FREM1: variants seen among roughly 807,000 people sequenced by gnomAD.
The protein encoded by FREM1 is FRAS1-related extracellular matrix protein 1.
Under a neutral mutation model 210.1 loss-of-function variants are expected in FREM1, and 220 were observed. The observed-to-expected ratio is 1.05, with a 90% CI of 0.94 to 1.17. FREM1 has a LOEUF of 1.17. FREM1 is among the 50% of genes most tolerant of loss of function. The pLI, the probability that FREM1 is intolerant of heterozygous loss-of-function variation, is 0.00. For missense variants in FREM1, 3,454 were observed against 2,675.5 expected (o/e 1.29, Z -6.42); for synonymous variants, 1,189 against 980.2 (o/e 1.21, Z -3.98).
intron 20 of FREM1, 93 bp downstream of exon 20, chr9:14,801,559 A>G: frequency 1.2e-6 from 1 of 835,544 alleles, no homozygotes; most frequent in Non-Finnish European, 1.9e-6. Flanking sequence ...CTCTCTGCTT[A>G]TATTAGTTTG....
intron 27 of FREM1, among the ~76,000 whole-genome samples, chr9:14,766,509 G>T (rs537924573): frequency 7.2e-5 from 11 of 152,086 alleles, no homozygotes; most frequent in Admixed American, 1.3e-4. Flanking sequence ...AAACAAGCAC[G>T]CAAGCTAGCT....
At chr9:14,818,472 T>C (rs1329442549) in intron 14 of FREM1, among the ~76,000 whole-genome samples, 1 of 152,224 alleles carries the variant, frequency 6.6e-6, no homozygotes, top group Non-Finnish European at 1.5e-5. Context: ...TCTCCTATCA[T>C]ACTTTATCTA....
chr9:14,897,684 G>A (rs1588652932), intron 1 of FREM1, among the ~76,000 whole-genome samples: 2 of 151,794 alleles, frequency 1.3e-5, no homozygotes, highest in East Asian at 1.9e-4. Context: ...TCAAACTCCT[G>A]GGCACAAGCA....
chr9:14,739,753 G>C (rs1038911353), intron 36 of FREM1, among the ~76,000 whole-genome samples: 3 of 151,504 alleles, frequency 2.0e-5, no homozygotes, highest in Non-Finnish European at 1.5e-5. Context: ...ATAAACGTAA[G>C]GCAATTTTTC....
chr9:14,883,180 T>C (rs1044939356), intron 1 of FREM1, among the ~76,000 whole-genome samples: 4 of 152,188 alleles, frequency 2.6e-5, no homozygotes, highest in Non-Finnish European at 2.9e-5. Flanking sequence ...TAATTTTTTC[T>C]TTCTCATAGT....
intron 27 of FREM1, among the ~76,000 whole-genome samples, chr9:14,769,418 T>G (rs991945432): frequency 6.6e-6 from 1 of 152,204 alleles, no homozygotes; most frequent in African/African-American, 2.4e-5. Context: ...AAACTCAGTG[T>G]TGGATGCTAG....
At chr9:14,778,567 C>T (rs1849030283) in intron 24 of FREM1, among the ~76,000 whole-genome samples, 1 of 141,738 alleles carries the variant, frequency 7.1e-6, no homozygotes, top group African/African-American at 2.6e-5. Context: ...ATGAACGTGC[C>T]ACCGCACTCC....
chr9:14,867,619 A>C (rs995490539), intron 2 of FREM1, among the ~76,000 whole-genome samples: 1 of 152,232 alleles, frequency 6.6e-6, no homozygotes, highest in East Asian at 1.9e-4. Context: ...CAGTTGAGCT[A>C]GTATCCATCT....
chr9:14,810,895 T>C (rs566653595), intron 16 of FREM1, among the ~76,000 whole-genome samples: 12 of 152,204 alleles, frequency 7.9e-5, no homozygotes, highest in Admixed American at 1.3e-4. Flanking sequence ...ACTTTTCCAT[T>C]CCTTCCAAGT....
intron 35 of FREM1, among the ~76,000 whole-genome samples, chr9:14,746,144 A>G (rs977804591): frequency 6.6e-6 from 1 of 152,316 alleles, no homozygotes; most frequent in African/African-American, 2.4e-5. Context: ...AAAAACTGCA[A>G]GTACTTTTGC....
chr9:14,845,581 A>G (rs998677545), intron 8 of FREM1, among the ~76,000 whole-genome samples: 1 of 152,262 alleles, frequency 6.6e-6, no homozygotes, highest in Non-Finnish European at 1.5e-5. Context: ...TTGGGATTAC[A>G]GGCGTGAGCC....
chr9:14,830,689 C>G (rs888162608), intron 10 of FREM1, among the ~76,000 whole-genome samples: 1 of 152,156 alleles, frequency 6.6e-6, no homozygotes, highest in Non-Finnish European at 1.5e-5. Context: ...TGTCTTCTCC[C>G]TTCCTTCTTG....
At position 14,876,650 on chromosome 9, in the gene FREM1, C is replaced by T. The variant is rs146155485; in HGVS notation, c.-267-7406G>A. ...GCTTCCCAAGTGAGGCAATGCCTCACCCTGCTTCGGCTCAAGCACAGTGCG... is the reference window on the plus strand; with the variant it reads ...GCTTCCCAAGTGAGGCAATGCCTCATCCTGCTTCGGCTCAAGCACAGTGCG... On this transcript the variant is annotated intron_variant, in intron 1 of 36. Transcript: ENST00000380880. Among the ~76,000 whole-genome samples the T allele has an allele frequency of 2.4e-3, 368 of 152,256 alleles. 2 individuals carry two copies. The highest frequency in any genetic ancestry group is 3.7e-3 in the Non-Finnish European group (253 of 68,026).
At chr9:14,887,435 A>G (rs1301744570) in intron 1 of FREM1, among the ~76,000 whole-genome samples, 1 of 152,158 alleles carries the variant, frequency 6.6e-6, no homozygotes, top group Non-Finnish European at 1.5e-5. Context: ...CCATACTACA[A>G]AGCAGCACTG....
intron 5 of FREM1, 86 bp downstream of exon 5, chr9:14,857,467 G>T: frequency 1.8e-6 from 2 of 1,135,190 alleles, no homozygotes; most frequent in Non-Finnish European, 2.7e-6. Flanking sequence ...ACTCTCCCTG[G>T]CATGGGGGCG....
chr9:14,768,903 G>T (rs1846992522), intron 27 of FREM1, among the ~76,000 whole-genome samples: 1 of 152,126 alleles, frequency 6.6e-6, no homozygotes, highest in African/African-American at 2.4e-5. Context: ...ACAAGGATAA[G>T]TGAACAACTT....
At chr9:14,868,678 C>G in intron 2 of FREM1, 66 bp downstream of exon 2, 1 of 996,702 alleles carries the variant, frequency 1.0e-6, no homozygotes, top group South Asian at 1.4e-5. Flanking sequence ...TCTCTGTCCC[C>G]CCACACATTT....
In FREM1 at chr9:14,900,533, A is replaced by G. The variant is rs368361154; in HGVS notation, c.-268+9381T>C. Among the ~76,000 whole-genome samples, 58 of 152,208 alleles carry G rather than the reference A, an allele frequency of 3.8e-4. No homozygotes were observed. In the South Asian group the frequency reaches 5.0e-3, roughly 13 times the overall value. ...TGGGGATGCCGCCTCCAAGAACAGCACTAGGAAGAGCCCAAAAGCAAGACC... is the reference window on the plus strand; with the variant it reads ...TGGGGATGCCGCCTCCAAGAACAGCGCTAGGAAGAGCCCAAAAGCAAGACC... On this transcript the variant is annotated intron_variant, in intron 1 of 36. Coordinates refer to ENST00000380880, the MANE Select transcript of FREM1 (RefSeq NM_001379081.2).
In FREM1 at chr9:14,845,394, G is replaced by A. The variant is rs190785833; in HGVS notation, c.1393+566C>T. Reference sequence around the variant, plus strand: ...ATCTTGGCTCACTGCAACCTCTGCCGCCCAGGTTCAAGCAATTCTCCTGTC... The same window carrying A: ...ATCTTGGCTCACTGCAACCTCTGCCACCCAGGTTCAAGCAATTCTCCTGTC... On this transcript the variant is annotated intron_variant, in intron 8 of 36. Transcript: ENST00000380880. Among the ~76,000 whole-genome samples the A allele has an allele frequency of 4.2e-4, 63 of 151,668 alleles. No homozygotes were observed. The East Asian group carries it at 9.7e-3, about 23-fold the overall frequency.
Sources: allele counts gnomAD v4.1 joint callset (sites outside exome capture counted in the v4.1 genomes callset), GRCh38; gene constraint gnomAD v4.1.1; transcripts MANE v1.5; gene names NCBI Gene and HGNC (gene_info 2026-07-23, HGNC 2026-07-21).